The following MAML3 variants were observed in gnomAD, a reference collection of about 807,000 sequenced individuals.
MAML3 encodes the protein mastermind-like protein 3.
A neutral mutation model predicts 101.9 loss-of-function variants in MAML3; 27 were observed. The observed-to-expected ratio is 0.27, with a 90% CI of 0.20 to 0.37. The LOEUF (loss-of-function observed/expected upper bound fraction) is 0.37, where lower values mean the gene tolerates loss of function less well. MAML3 is among the 10% of genes least tolerant of loss of function. The probability of loss-of-function intolerance (pLI) is 1.00; values close to 1 mark genes in which losing one functional copy is unlikely to be tolerated. For synonymous variants in MAML3, 501 were observed against 555.9 expected (o/e 0.90, Z 1.39); for missense variants, 1,316 against 1,444.9 (o/e 0.91, Z 1.45).
At chr4:139,766,962 A>T (rs1306843700) in intron 2 of MAML3, among the ~76,000 whole-genome samples, 1 of 152,244 alleles carries the variant, frequency 6.6e-6, no homozygotes, top group African/African-American at 2.4e-5. Context: ...TGGGGGTAAC[A>T]GTATGTGTTC....
rs374219571 is a variant in MAML3, at chr4:139,719,487, C to T, written c.3253G>A (p.Glu1085Lys). ...FAPSSQSQAYERNAPQDVSYN... is the reference protein window; with the variant it reads ...FAPSSQSQAYKRNAPQDVSYN... ...GACACGTCCTGAGGGGCATTCCGCTCATAGGCTTGGCTCTGGCTGCTTGGA... is the reference window on the plus strand; with the variant it reads ...GACACGTCCTGAGGGGCATTCCGCTTATAGGCTTGGCTCTGGCTGCTTGGA... Residue 1085 changes from glutamate to lysine, a missense_variant, in exon 5 of 5, where the codon GAG (glutamate) becomes AAG (lysine). By Grantham distance (56) the Glu-to-Lys change is moderately conservative. Transcript: ENST00000509479. The T allele has an allele frequency of 9.3e-6, 15 of 1,613,906 alleles. No individual in the cohort carries two copies. The highest frequency in any genetic ancestry group is 1.3e-5 in the Non-Finnish European group (15 of 1,179,908).
chr4:139,753,313 CCTTT>C (rs1485002788), intron 2 of MAML3, among the ~76,000 whole-genome samples: 1 of 151,770 alleles, frequency 6.6e-6, no homozygotes, highest in Non-Finnish European at 1.5e-5. Flanking sequence ...AAGCAGCCTG[CCTTT>C]CTTTGCTTTT....
At chr4:139,810,944 T>C (rs956018873) in intron 2 of MAML3, among the ~76,000 whole-genome samples, 2 of 152,162 alleles carry the variant, frequency 1.3e-5, no homozygotes, top group African/African-American at 4.8e-5. Flanking sequence ...GCCCTGCCCT[T>C]TTCTTCTGTT....
At chr4:139,773,523 T>C (rs72730223) in intron 2 of MAML3, among the ~76,000 whole-genome samples, 39,204 of 152,182 alleles carry the variant, frequency 0.26, 6,441 homozygotes, top group East Asian at 0.76. Flanking sequence ...TGCGTGTCCA[T>C]GGATCTTTGC....
At chr4:139,744,031 T>C (rs1729241507) in intron 2 of MAML3, among the ~76,000 whole-genome samples, 1 of 152,222 alleles carries the variant, frequency 6.6e-6, no homozygotes, top group South Asian at 2.1e-4. Flanking sequence ...CAGTCACTCT[T>C]AGTACCTCTC....
chr4:139,829,016 A>AC (rs1731114810), intron 2 of MAML3, among the ~76,000 whole-genome samples: 1 of 132,860 alleles, frequency 7.5e-6, no homozygotes, highest in African/African-American at 3.3e-5. Flanking sequence ...GAAGGAAGGA[A>AC]GGAAGGACGG....
intron 2 of MAML3, among the ~76,000 whole-genome samples, chr4:139,734,606 C>A (rs4580611): frequency 1.3e-5 from 2 of 152,022 alleles, no homozygotes; most frequent in Non-Finnish European, 2.9e-5. Context: ...TTTCTAAAGG[C>A]TAGAGTGAGG....
At chr4:139,929,624 T>C (rs1469631355) in intron 1 of MAML3, among the ~76,000 whole-genome samples, 1 of 152,220 alleles carries the variant, frequency 6.6e-6, no homozygotes, top group Non-Finnish European at 1.5e-5. Context: ...CACTTATTAG[T>C]TGGTACATAA....
chr4:140,152,836 A>AGCCCGCT (rs747430860), intron 1 of MAML3, 24 bp downstream of exon 1: 72 of 1,596,756 alleles, frequency 4.5e-5, no homozygotes, highest in Non-Finnish European at 5.4e-5. Context: ...GCGCGCCGCA[A>AGCCCGCT]GCCCGCTGCC....
intron 2 of MAML3, among the ~76,000 whole-genome samples, chr4:139,810,651 T>A (rs1730780132): frequency 6.6e-6 from 1 of 152,208 alleles, no homozygotes; most frequent in South Asian, 2.1e-4. Flanking sequence ...GTCAGGTATA[T>A]ATCTTCTAAA....
Position 140,081,958 on chromosome 4 carries a change from T to C in MAML3, c.468+70902A>G, listed in dbSNP as rs188809362. ...GACCTTCTGCTTTGAAGACTCCTTT[T>C]AAGAAATGTCAAGGGGCAGTAAACA... is the stretch of plus-strand genomic sequence containing the variant. On this transcript the variant is annotated intron_variant, in intron 1 of 4. Coordinates refer to ENST00000509479, the MANE Select transcript of MAML3 (RefSeq NM_018717.5). Among the ~76,000 whole-genome samples the C allele has an allele frequency of 3.2e-3, 491 of 152,294 alleles. 4 individuals are homozygous for C. Among genetic ancestry groups the C allele is most frequent in the Middle Eastern group, 0.027 (8 of 294 alleles).
intron 1 of MAML3, among the ~76,000 whole-genome samples, chr4:140,120,162 G>T (rs897270103): frequency 4.0e-5 from 6 of 150,836 alleles, no homozygotes; most frequent in African/African-American, 1.5e-4. Context: ...GCGTGAACCC[G>T]GGAGGCGGAG....
At chr4:139,860,155 G>A (rs559912688) in intron 2 of MAML3, among the ~76,000 whole-genome samples, 1 of 152,368 alleles carries the variant, frequency 6.6e-6, no homozygotes, top group East Asian at 1.9e-4. Context: ...GAAGCCCCTA[G>A]CTCCCTCCCA....
At chr4:139,981,534 A>G (rs1329174178) in intron 1 of MAML3, among the ~76,000 whole-genome samples, 1 of 152,216 alleles carries the variant, frequency 6.6e-6, no homozygotes, top group Non-Finnish European at 1.5e-5. Flanking sequence ...AGCATGGTAC[A>G]TTTGTCACAA....
chr4:139,828,787 T>C (rs1731108318), intron 2 of MAML3, among the ~76,000 whole-genome samples: 1 of 147,912 alleles, frequency 6.8e-6, no homozygotes, highest in African/African-American at 2.5e-5. Flanking sequence ...AACAAAAATA[T>C]ACATGGAACA....
At position 140,061,266 on chromosome 4, in the gene MAML3, G is replaced by C. The variant is rs1727443831; in HGVS notation, c.468+91594C>G. 1.3e-5 allele frequency among the ~76,000 whole-genome samples: 2 copies of C among 152,170 alleles called. 1 individual carries two copies. The highest frequency in any genetic ancestry group is 4.1e-4 in the South Asian group (2 of 4,830). The stretch of plus-strand genomic sequence containing the variant: ...ACTCAAAAGAAAACACAGTCCCTAA[G>C]TAAGTTAAACAGTTCAGTGCACCAA... On this transcript the variant is annotated intron_variant, in intron 1 of 4. Coordinates refer to ENST00000509479, the MANE Select transcript of MAML3 (RefSeq NM_018717.5).
intron 2 of MAML3, chr4:139,888,498 A>G: frequency 1.9e-6 from 1 of 518,420 alleles, no homozygotes; most frequent in Non-Finnish European, 3.9e-6. Flanking sequence ...CCTTCAGGGT[A>G]GAACAAATGT....
intron 1 of MAML3, among the ~76,000 whole-genome samples, chr4:139,978,734 C>A (rs573513146): frequency 1.3e-5 from 2 of 152,180 alleles, no homozygotes; most frequent in Non-Finnish European, 2.9e-5. Flanking sequence ...CTTTGTCCCC[C>A]ATCCCTAATC....
At chr4:140,071,754 T>TCAGAGAGAGAGAGAGAGAGAGA (rs1328059871) in intron 1 of MAML3, among the ~76,000 whole-genome samples, 20 of 66,732 alleles carry the variant, frequency 3.0e-4, no homozygotes, top group Non-Finnish European at 4.7e-4. Flanking sequence ...GGGACCAGGA[T>TCAGAGAGAGAGAGAGAGAGAGA]TAGAGAGAGA....
Sources: gnomAD v4.1 joint callset for allele counts (sites outside exome capture counted in the v4.1 genomes callset) on GRCh38, gnomAD v4.1.1 for gene constraint, MANE v1.5 for transcripts, NCBI Gene and HGNC (gene_info 2026-07-23, HGNC 2026-07-21) for gene names.